Variants in GALNT17 observed in about 807,000 individuals in gnomAD.
GALNT17 encodes UDP-GalNAc:polypeptide N-acetylgalactosaminyltransferase-like 3.
GALNT17 carries 29 observed loss-of-function variants against 63.7 expected under a neutral mutation model. The ratio of observed to expected loss-of-function variants is 0.46; its 90% CI spans 0.34 to 0.62. GALNT17 has a LOEUF of 0.62. Among genes scored for constraint, GALNT17 ranks in the 20% least tolerant of loss-of-function variants. The pLI is 0.01. For missense variants in GALNT17, 603 were observed against 799.6 expected, an observed-to-expected ratio of 0.75 and a Z score of 2.97; for synonymous variants, 305 against 318.3, an observed-to-expected ratio of 0.96 and a Z score of 0.45.
At chr7:71,564,701 G>A (rs955581754) in intron 5 of GALNT17, among the ~76,000 whole-genome samples, 2 of 152,140 alleles carry the variant, frequency 1.3e-5, no homozygotes, top group African/African-American at 2.4e-5. Context: ...GATGAGGCCC[G>A]CCTGGGACAC....
chr7:71,539,533 A>G (rs1243014419), intron 5 of GALNT17, among the ~76,000 whole-genome samples: 4 of 152,000 alleles, frequency 2.6e-5, no homozygotes, highest in African/African-American at 4.8e-5. Context: ...ATGAATATAC[A>G]TGGTGCCTTC....
intron 1 of GALNT17, among the ~76,000 whole-genome samples, chr7:71,160,860 A>T (rs1236456083): frequency 2.0e-5 from 3 of 152,106 alleles, no homozygotes; most frequent in African/African-American, 7.2e-5. Context: ...TTTTTTACAG[A>T]TAAGTCTCAC....
At chr7:71,534,954 C>G (rs1207265450) in intron 5 of GALNT17, among the ~76,000 whole-genome samples, 1 of 152,142 alleles carries the variant, frequency 6.6e-6, no homozygotes, top group African/African-American at 2.4e-5. Flanking sequence ...CTATCATATT[C>G]CCAGCTGGTT....
chr7:71,259,652 T>TTG (rs1362501799), intron 1 of GALNT17, among the ~76,000 whole-genome samples: 1 of 148,962 alleles, frequency 6.7e-6, no homozygotes, highest in African/African-American at 2.5e-5. Flanking sequence ...TTTTGTTTTT[T>TTG]TTTTTTTGAG....
chr7:71,547,548 A>G lies in GALNT17; in HGVS notation c.963-23737A>G, dbSNP rs1789006670. Among the ~76,000 whole-genome samples, 3 of 151,990 alleles carry G rather than the reference A, an allele frequency of 2.0e-5. No homozygotes were observed. In the South Asian group the frequency reaches 6.3e-4, roughly 32 times the overall value. The stretch of plus-strand genomic sequence containing the variant: ...GTGATCTGCCTGCCTTTCCCTCTCA[A>G]AGTGCTAGGATTACAGGTGTGAGGC... On this transcript the variant is annotated intron_variant, in intron 5 of 10. Coordinates refer to ENST00000333538, the MANE Select transcript of GALNT17 (RefSeq NM_022479.3).
chr7:71,704,714 T>C (rs2117121268), intron 9 of GALNT17, among the ~76,000 whole-genome samples: 1 of 152,220 alleles, frequency 6.6e-6, no homozygotes, highest in East Asian at 1.9e-4. Context: ...AAACAAACCC[T>C]CACATTTATA....
intron 9 of GALNT17, among the ~76,000 whole-genome samples, chr7:71,697,553 T>A (rs1445368512): frequency 1.3e-5 from 2 of 152,080 alleles, no homozygotes; most frequent in Non-Finnish European, 2.9e-5. Flanking sequence ...GTCACAAGTT[T>A]CAGGCAGTCG....
chr7:71,270,847 A>G (rs1041901263), intron 1 of GALNT17, among the ~76,000 whole-genome samples: 8 of 152,102 alleles, frequency 5.3e-5, no homozygotes, highest in African/African-American at 1.9e-4. Flanking sequence ...GCAGGAAAAA[A>G]AAATAAAAAA....
intron 5 of GALNT17, among the ~76,000 whole-genome samples, chr7:71,503,527 G>A (rs958582599): frequency 6.6e-6 from 1 of 152,082 alleles, no homozygotes; most frequent in African/African-American, 2.4e-5. Context: ...ATGAACCAGT[G>A]TGCCTGGCCT....
chr7:71,343,272 A>T (rs1374173750), intron 2 of GALNT17, among the ~76,000 whole-genome samples: 1 of 152,168 alleles, frequency 6.6e-6, no homozygotes, highest in South Asian at 2.1e-4. Flanking sequence ...AATGGATAGG[A>T]TCCTTTTTGT....
At chr7:71,633,773 C>T (rs937095836) in intron 6 of GALNT17, among the ~76,000 whole-genome samples, 2 of 152,190 alleles carry the variant, frequency 1.3e-5, no homozygotes, top group Non-Finnish European at 2.9e-5. Context: ...CTCATTCCTA[C>T]CAGCTGCTGG....
chr7:71,217,876 C>G (rs971708545), intron 1 of GALNT17, among the ~76,000 whole-genome samples: 1 of 151,102 alleles, frequency 6.6e-6, no homozygotes, highest in African/African-American at 2.4e-5. Context: ...TGCAATGAGC[C>G]GAGATCGCAC....
At chr7:71,269,539 G>A (rs1302097519) in intron 1 of GALNT17, among the ~76,000 whole-genome samples, 2 of 152,138 alleles carry the variant, frequency 1.3e-5, no homozygotes, top group African/African-American at 4.8e-5. Flanking sequence ...TCTTGGAGGA[G>A]GCAGTAGAAG....
intron 5 of GALNT17, among the ~76,000 whole-genome samples, chr7:71,570,333 A>T (rs778766696): frequency 3.9e-5 from 6 of 152,020 alleles, no homozygotes; most frequent in Non-Finnish European, 7.4e-5. Flanking sequence ...AGGCACTAGG[A>T]TGTGTTTCCT....
chr7:71,659,439 C>T (rs1437686445), intron 6 of GALNT17, among the ~76,000 whole-genome samples: 1 of 152,228 alleles, frequency 6.6e-6, no homozygotes, highest in African/African-American at 2.4e-5. Context: ...TGGGGGTGTA[C>T]AGTCTCACAT....
intron 2 of GALNT17, among the ~76,000 whole-genome samples, chr7:71,357,725 G>A (rs918071088): frequency 6.6e-6 from 1 of 152,122 alleles, no homozygotes; most frequent in African/African-American, 2.4e-5. Context: ...TGGCCAACAT[G>A]GTGAAACTGA....
intron 6 of GALNT17, among the ~76,000 whole-genome samples, chr7:71,644,143 C>T (rs1790641336): frequency 6.6e-6 from 1 of 152,072 alleles, no homozygotes; most frequent in Admixed American, 6.6e-5. Flanking sequence ...TGGCTCCTTT[C>T]TGTAATCCCA....
chr7:71,323,215 G>T (rs1791647530), intron 1 of GALNT17, among the ~76,000 whole-genome samples: 1 of 152,156 alleles, frequency 6.6e-6, no homozygotes, highest in South Asian at 2.1e-4. Context: ...AAGAAACAAA[G>T]GTACCCATTT....
chr7:71,677,277 T>G lies in GALNT17; in HGVS notation c.1471T>G (p.Leu491Val). 1 of 1,613,920 alleles carries G rather than the reference T, an allele frequency of 6.2e-7. No homozygotes were observed. Among genetic ancestry groups the G allele is most frequent in the South Asian group, 1.1e-5 (1 of 91,074 alleles). Reference protein sequence around the residue: ...QGPLENHTAILYPCHGWGPQL... With the variant: ...QGPLENHTAIVYPCHGWGPQL... ...GCCGCTGGAGAACCACACAGCAATA[T>G]TGTATCCGTGCCATGGCTGGGGACC... Residue 491 changes from leucine (L) to valine (V), a missense_variant, in exon 9 of 11, where the codon TTG (leucine) becomes GTG (valine). Around this residue, in one of 3 missense-constraint regions of GALNT17, gnomAD observed 336 missense variants for 507.8 expected, o/e 0.66. Transcript: ENST00000333538.
Sources: allele counts gnomAD v4.1 joint callset (sites outside exome capture counted in the v4.1 genomes callset), GRCh38; gene constraint gnomAD v4.1.1; regional missense constraint gnomAD v4.1.1; transcripts MANE v1.5; gene names NCBI Gene and HGNC (gene_info 2026-07-23, HGNC 2026-07-21).